ALX4: variants seen among roughly 807,000 people sequenced by gnomAD.
ALX4 encodes the protein ALX homeobox 4.
In ALX4, 22 loss-of-function variants were observed where a neutral mutation model predicts 40.6. The observed-to-expected ratio is 0.54, with a 90% CI of 0.39 to 0.77. ALX4 has a LOEUF of 0.77. Ranked by LOEUF, ALX4 falls within the 30% of genes least tolerant of loss-of-function variation. ALX4 has a pLI of 0.00. For missense variants in ALX4, 556 were observed against 564.8 expected, an observed-to-expected ratio of 0.98 and a Z score of 0.16; for synonymous variants, 266 against 240.5, an observed-to-expected ratio of 1.11 and a Z score of -0.98.
intron 1 of ALX4, among the ~76,000 whole-genome samples, chr11:44,301,327 G>A (rs902471037): frequency 3.9e-5 from 6 of 152,222 alleles, no homozygotes; most frequent in Non-Finnish European, 8.8e-5. Context: ...GGCCCTCAGG[G>A]CCTGGTGGAC....
chr11:44,298,644 G>A (rs913389996), intron 1 of ALX4, among the ~76,000 whole-genome samples: 17 of 152,216 alleles, frequency 1.1e-4, no homozygotes, highest in African/African-American at 3.9e-4. Flanking sequence ...CAGTCAGACC[G>A]CAGGCCTGTG....
Position 44,260,917 on chromosome 11 carries a change from A to G in ALX4, c.*3937T>C, listed in dbSNP as rs924179957. 1.3e-5 allele frequency: 2 copies of G among 152,214 alleles called. No homozygotes were observed. The highest frequency in any genetic ancestry group is 4.8e-5 in the African/African-American group (2 of 41,466). The allele number at this position is 152,214 out of a possible 1,614,324, so 9.4% of individuals were successfully genotyped here. On this transcript the variant is annotated 3_prime_UTR_variant, in exon 4 of 4. Coordinates refer to ENST00000652299, the MANE Select transcript of ALX4 (RefSeq NM_021926.4). The stretch of plus-strand genomic sequence containing the variant: ...TTTTTCAACCACTGCACACCTAAAC[A>G]GATGATTAGACATTGAAAACTGTCC...
intron 1 of ALX4, among the ~76,000 whole-genome samples, chr11:44,293,137 A>C (rs1471700921): frequency 1.4e-5 from 1 of 73,220 alleles, no homozygotes; most frequent in African/African-American, 4.9e-5. Context: ...GGAAGGAAGG[A>C]AGGAAGGAAG....
intron 1 of ALX4, among the ~76,000 whole-genome samples, chr11:44,298,711 T>A (rs1346604387): frequency 6.6e-6 from 1 of 152,076 alleles, no homozygotes; most frequent in South Asian, 2.1e-4. Context: ...CTCCTCCGAC[T>A]GCTAGAGTTG....
chr11:44,268,579 C>T (rs904086818), intron 2 of ALX4, among the ~76,000 whole-genome samples: 4 of 152,034 alleles, frequency 2.6e-5, no homozygotes, highest in Admixed American at 1.3e-4. Flanking sequence ...TTTTTGGTGA[C>T]GGGGAGTATT....
At chr11:44,292,561 A>C (rs1201867378) in intron 1 of ALX4, among the ~76,000 whole-genome samples, 1 of 152,090 alleles carries the variant, frequency 6.6e-6, no homozygotes, top group Non-Finnish European at 1.5e-5. Flanking sequence ...CTTAAAGTTG[A>C]TAAGAATGGG....
chr11:44,292,834 G>A (rs1956377739), intron 1 of ALX4, among the ~76,000 whole-genome samples: 1 of 152,052 alleles, frequency 6.6e-6, no homozygotes, highest in Non-Finnish European at 1.5e-5. Context: ...GGTAGCTCAT[G>A]CCTGTAATCC....
Position 44,264,830 on chromosome 11 carries a change from T to G in ALX4, c.*24A>C. 3 of 1,610,124 alleles carry G rather than the reference T, an allele frequency of 1.9e-6. No individual in the cohort carries two copies. Among genetic ancestry groups the G allele is most frequent in the Non-Finnish European group, 2.5e-6 (3 of 1,178,578 alleles). On this transcript the variant is annotated 3_prime_UTR_variant, in exon 4 of 4. Coordinates refer to ENST00000652299, the MANE Select transcript of ALX4 (RefSeq NM_021926.4). ...GGGCGTGGCCCATGGTGTCCCGAGG[T>G]GGGGACGGGGCAGGGGTGCCCTGTC... is the stretch of plus-strand genomic sequence containing the variant.
At chr11:44,298,562 G>A (rs1440799059) in intron 1 of ALX4, among the ~76,000 whole-genome samples, 4 of 152,170 alleles carry the variant, frequency 2.6e-5, no homozygotes, top group Non-Finnish European at 5.9e-5. Context: ...AGGGAATGGG[G>A]GAGACCTGAG....
chr11:44,306,382 G>A (rs1240704588), intron 1 of ALX4, among the ~76,000 whole-genome samples: 6 of 152,230 alleles, frequency 3.9e-5, no homozygotes, highest in Admixed American at 2.0e-4. Flanking sequence ...GCACTCCCTC[G>A]GCTTGGCCCA....
intron 2 of ALX4, among the ~76,000 whole-genome samples, chr11:44,269,015 G>T (rs1168276544): frequency 6.6e-6 from 1 of 152,226 alleles, no homozygotes; most frequent in East Asian, 1.9e-4. Flanking sequence ...CTCTCCAGGT[G>T]GAAACATTTC....
chr11:44,270,357 G>A (rs897394981), intron 2 of ALX4, among the ~76,000 whole-genome samples: 6 of 151,998 alleles, frequency 3.9e-5, no homozygotes, highest in African/African-American at 1.2e-4. Flanking sequence ...GCGGGTGAGC[G>A]ACCGGTGGGA....
intron 1 of ALX4, among the ~76,000 whole-genome samples, chr11:44,299,361 T>G (rs559940906): frequency 4.8e-5 from 7 of 146,014 alleles, no homozygotes; most frequent in Non-Finnish European, 9.0e-5. Context: ...ATGGTTTTTT[T>G]TTTTTTTTTT....
At chr11:44,303,753 G>C (rs1158534356) in intron 1 of ALX4, among the ~76,000 whole-genome samples, 1 of 152,232 alleles carries the variant, frequency 6.6e-6, no homozygotes, top group African/African-American at 2.4e-5. Context: ...CAACTAGGGG[G>C]CCGCTGCCCT....
chr11:44,266,112 C>A (rs193010953), intron 3 of ALX4, among the ~76,000 whole-genome samples: 1 of 152,088 alleles, frequency 6.6e-6, no homozygotes, highest in Admixed American at 6.5e-5. Flanking sequence ...AGAGCTCAGC[C>A]CCCATCCTGG....
At chr11:44,273,620 A>C (rs1364150602) in intron 2 of ALX4, among the ~76,000 whole-genome samples, 3 of 152,224 alleles carry the variant, frequency 2.0e-5, no homozygotes, top group African/African-American at 7.2e-5. Flanking sequence ...GGGACAAACA[A>C]GTAAAATAAC....
chr11:44,270,875 G>GCCAGGGCGGGGTGGC (rs1009620875), intron 2 of ALX4, among the ~76,000 whole-genome samples: 1 of 152,208 alleles, frequency 6.6e-6, no homozygotes, highest in South Asian at 2.1e-4. Flanking sequence ...CCCATCTGGG[G>GCCAGGGCGGGGTGGC]CCAGGGCGGG....
intron 1 of ALX4, among the ~76,000 whole-genome samples, chr11:44,308,126 G>A (rs538323967): frequency 6.6e-6 from 1 of 152,324 alleles, no homozygotes; most frequent in African/African-American, 2.4e-5. Flanking sequence ...GGGAGTATGT[G>A]GCTCATTCGA....
chr11:44,280,746 T>C (rs1444181246), intron 1 of ALX4, among the ~76,000 whole-genome samples: 1 of 152,184 alleles, frequency 6.6e-6, no homozygotes, highest in African/African-American at 2.4e-5. Context: ...GTGGCCATCA[T>C]GGTATCCAGT....
Sources: allele counts gnomAD v4.1 joint callset (sites outside exome capture counted in the v4.1 genomes callset), GRCh38; gene constraint gnomAD v4.1.1; transcripts MANE v1.5; gene names NCBI Gene and HGNC (gene_info 2026-07-23, HGNC 2026-07-21).